The following C10orf90 variants were observed in gnomAD, a reference collection of about 807,000 sequenced individuals.
C10orf90 encodes the protein chromosome 10 open reading frame 90.
C10orf90 carries 56 observed loss-of-function variants against 62.5 expected under a neutral mutation model. The ratio of observed to expected loss-of-function variants is 0.90; its 90% CI spans 0.72 to 1.12. The LOEUF (loss-of-function observed/expected upper bound fraction) is 1.12. C10orf90 is among the 50% of genes most tolerant of loss of function. C10orf90 has a pLI of 0.00. For synonymous variants in C10orf90, 386 were observed against 340.4 expected, an observed-to-expected ratio of 1.13 and a Z score of -1.47; for missense variants, 970 against 880.4, an observed-to-expected ratio of 1.10 and a Z score of -1.29.
intron 4 of C10orf90, among the ~76,000 whole-genome samples, chr10:126,470,899 G>A (rs1049395742): frequency 2.0e-5 from 3 of 152,022 alleles, no homozygotes; most frequent in Non-Finnish European, 4.4e-5. Context: ...TTCAACTTTT[G>A]TCTGCAGGTT....
rs12246110 is a variant in C10orf90, at chr10:126,456,317, G to A, written c.2188+2723C>T. Among the ~76,000 whole-genome samples, 48,407 of 151,896 alleles carry A rather than the reference G, an allele frequency of 0.32. 8,172 individuals carry two copies. The highest frequency in any genetic ancestry group is 0.41 in the Middle Eastern group (121 of 294). ...CGAACCCAAAAGTAAAGCTCTCATC[G>A]ACACATAAATACGGCAGGGATGGTC... is the stretch of plus-strand genomic sequence containing the variant. On this transcript the variant is annotated intron_variant, in intron 7 of 9. Coordinates refer to ENST00000488181, the MANE Select transcript of C10orf90 (RefSeq NM_001350921.2). The surrounding 1 kb of genome is among the most constrained non-coding windows in gnomAD (Gnocchi z 4.9).
chr10:126,628,568 G>A lies in C10orf90; in HGVS notation c.313+17997C>T, dbSNP rs545985862. Among the ~76,000 whole-genome samples the A allele has an allele frequency of 3.9e-5, 6 of 152,302 alleles. No individual in the cohort carries two copies. The East Asian group carries it at 7.7e-4, about 20-fold the overall frequency. ...TGGGAACGTTGAATGGAGCCCAGGG[G>A]GAGGCATGCTGATCTTGCTAGAGGT... On this transcript the variant is annotated intron_variant, in intron 2 of 9. Transcript: ENST00000488181.
At chr10:126,572,016 C>G (rs188752429) in intron 2 of C10orf90, among the ~76,000 whole-genome samples, 1 of 152,108 alleles carries the variant, frequency 6.6e-6, no homozygotes, top group African/African-American at 2.4e-5. Flanking sequence ...ATGCTTAGTA[C>G]ATTTGTCAGA....
chr10:126,560,804 G>A (rs910989980), intron 2 of C10orf90, among the ~76,000 whole-genome samples: 5 of 152,216 alleles, frequency 3.3e-5, no homozygotes, highest in African/African-American at 9.6e-5. Context: ...ACCAATGGGC[G>A]TGGATGCATT....
chr10:126,573,655 G>A (rs915503111), intron 2 of C10orf90, among the ~76,000 whole-genome samples: 5 of 152,066 alleles, frequency 3.3e-5, no homozygotes, highest in Admixed American at 6.5e-5. Flanking sequence ...TGAATGCTGC[G>A]CACACCTCCT....
At chr10:126,551,858 T>C (rs1396279733) in intron 2 of C10orf90, among the ~76,000 whole-genome samples, 3 of 152,228 alleles carry the variant, frequency 2.0e-5, no homozygotes, top group Non-Finnish European at 4.4e-5. Flanking sequence ...TGTCCGTTTG[T>C]TGGTAAAACC....
intron 2 of C10orf90, among the ~76,000 whole-genome samples, chr10:126,552,536 C>G (rs1186302472): frequency 6.6e-6 from 1 of 152,210 alleles, no homozygotes; most frequent in African/African-American, 2.4e-5. Flanking sequence ...CAGGCGTTCT[C>G]GCTGCAAAGA....
intron 3 of C10orf90, among the ~76,000 whole-genome samples, chr10:126,507,495 T>C (rs543186867): frequency 1.3e-4 from 19 of 149,780 alleles, no homozygotes; most frequent in African/African-American, 4.7e-4. Flanking sequence ...ATGGCTACTT[T>C]TTTCCAAAAA....
chr10:126,457,589 C>T (rs566553796), intron 7 of C10orf90, among the ~76,000 whole-genome samples: 1 of 152,286 alleles, frequency 6.6e-6, no homozygotes, highest in Admixed American at 6.5e-5. Context: ...GTCTTGAGCT[C>T]TAAAGTGGCA....
intron 4 of C10orf90, chr10:126,470,066 T>G: frequency 2.2e-6 from 1 of 454,788 alleles, no homozygotes. Context: ...AGGGAAGGTG[T>G]TCTTCTGCAT....
intron 4 of C10orf90, among the ~76,000 whole-genome samples, chr10:126,474,520 T>A (rs12571845): frequency 0.024 from 3,712 of 152,260 alleles, 138 homozygotes; most frequent in African/African-American, 0.074. Context: ...TAAGTACAAA[T>A]GTATCTGCTA....
intron 2 of C10orf90, among the ~76,000 whole-genome samples, chr10:126,617,338 G>T (rs994055542): frequency 2.0e-5 from 3 of 152,142 alleles, no homozygotes; most frequent in Non-Finnish European, 4.4e-5. Flanking sequence ...AGTTCTGCTT[G>T]CAGTTTTGGC....
At chr10:126,625,532 C>T (rs1004578001) in intron 2 of C10orf90, among the ~76,000 whole-genome samples, 1 of 152,152 alleles carries the variant, frequency 6.6e-6, no homozygotes, top group South Asian at 2.1e-4. Context: ...TGCACTCCTG[C>T]CCCCCTTCTC....
Position 126,670,289 on chromosome 10 carries a change from A to G in C10orf90, c.192T>C (p.His64=), listed in dbSNP as rs1204242785. 4 of 456,556 alleles carry G rather than the reference A, an allele frequency of 8.8e-6. No homozygotes were observed. Among genetic ancestry groups the G allele is most frequent in the Non-Finnish European group, 1.8e-5 (4 of 226,978 alleles). 28.3% of individuals were successfully genotyped at this position (456,556 alleles called of 1,614,324 possible). Residue 64 remains histidine (H), a synonymous_variant, in exon 1 of 10, where the codon CAT becomes CAC. Coordinates refer to ENST00000488181, the MANE Select transcript of C10orf90 (RefSeq NM_001350921.2). Reference sequence around the variant, plus strand: ...CAGCCGTCTTCAAGCCTTGACACATATGGATGATACAAACTTTGGCTCTTC... The same window carrying G: ...CAGCCGTCTTCAAGCCTTGACACATGTGGATGATACAAACTTTGGCTCTTC... ...SQRRAKVCII[H]MCQGLKTAEQ...
At chr10:126,626,254 C>A (rs1227738373) in intron 2 of C10orf90, among the ~76,000 whole-genome samples, 1 of 152,118 alleles carries the variant, frequency 6.6e-6, no homozygotes, top group Non-Finnish European at 1.5e-5. Context: ...CCATTGCCTC[C>A]ACTGCTCTGT....
intron 2 of C10orf90, among the ~76,000 whole-genome samples, chr10:126,565,006 T>TATATATA (rs1844296767): frequency 1.3e-4 from 1 of 7,728 alleles, no homozygotes; most frequent in Non-Finnish European, 2.9e-4. Context: ...TTATATATAA[T>TATATATA]ATATATAATA....
intron 2 of C10orf90, among the ~76,000 whole-genome samples, chr10:126,642,758 T>C (rs959782572): frequency 6.6e-6 from 1 of 152,136 alleles, no homozygotes; most frequent in East Asian, 1.9e-4. Flanking sequence ...TTGATCTCTA[T>C]GCCACACTGC....
At chr10:126,622,679 G>T (rs143213372) in intron 2 of C10orf90, among the ~76,000 whole-genome samples, 1 of 152,190 alleles carries the variant, frequency 6.6e-6, no homozygotes, top group East Asian at 1.9e-4. Flanking sequence ...CACCCACTCT[G>T]CCCACTACTT....
At chr10:126,563,181 A>G (rs1864942017) in intron 2 of C10orf90, among the ~76,000 whole-genome samples, 1 of 152,108 alleles carries the variant, frequency 6.6e-6, no homozygotes, top group African/African-American at 2.4e-5. Context: ...ACGTCCACTC[A>G]CTGCCTTGGG....
Sources: gnomAD v4.1 joint callset for allele counts (sites outside exome capture counted in the v4.1 genomes callset) on GRCh38, gnomAD v4.1.1 for gene constraint, Gnocchi (gnomAD v3.1) non-coding constraint, MANE v1.5 for transcripts, NCBI Gene and HGNC (gene_info 2026-07-23, HGNC 2026-07-21) for gene names.